Variants in GLI4 observed in about 807,000 individuals in gnomAD.
GLI4 encodes GLI family zinc finger 4.
A neutral mutation model predicts 30.9 loss-of-function variants in GLI4; 34 were observed. The ratio of observed to expected loss-of-function variants is 1.10; its 90% CI spans 0.84 to 1.47. The LOEUF is 1.47. Among genes scored for constraint, GLI4 ranks in the 40% most tolerant of loss-of-function variants. The pLI is 0.00. For synonymous variants in GLI4, 277 were observed against 236.7 expected (o/e 1.17, Z -1.56); for missense variants, 696 against 538.9 (o/e 1.29, Z -2.89).
rs1554615549 is a variant in GLI4 at position 143,276,663 on chromosome 8, A to AGCCTTCCGCGGCCGC, written c.991_1005dup (p.Ala331_Arg335dup). The AGCCTTCCGCGGCCGC allele has an allele frequency of 1.2e-6, 2 of 1,608,144 alleles. No individual in the cohort carries two copies. The highest frequency in any genetic ancestry group is 1.7e-6 in the Non-Finnish European group (2 of 1,178,344). On this transcript the variant is annotated inframe_insertion, in exon 4 of 4. Coordinates refer to ENST00000340042, the MANE Select transcript of GLI4 (RefSeq NM_138465.4). ...CCTACGAGTGCTCCGACTGCGGCAA[A>AGCCTTCCGCGGCCGC]GCCTTCCGCGGCCGCTCGCACTTCT...
At chr8:143,274,851 C>G (rs201002876) in intron 3 of GLI4, 49 bp downstream of exon 3, 39 of 1,519,314 alleles carry the variant, frequency 2.6e-5, no homozygotes, top group Middle Eastern at 1.7e-4. Flanking sequence ...CTGCGCGTGC[C>G]AGGCTCCTCA....
chr8:143,275,035 G>A, intron 3 of GLI4: 1 of 1,526,614 alleles, frequency 6.6e-7, no homozygotes, highest in African/African-American at 1.4e-5. Flanking sequence ...CTGCGCCAGT[G>A]GCCCCACGTG....
At position 143,276,812 on chromosome 8, in the gene GLI4, G is replaced by C; in HGVS notation, c.*8G>C. On this transcript the variant is annotated 3_prime_UTR_variant, in exon 4 of 4. Coordinates refer to ENST00000340042, the MANE Select transcript of GLI4 (RefSeq NM_138465.4). ...GTGCACTACCGCGAGTAGCCGGGCG[G>C]GGGCTCGGGGCTCGGCCTCCTACCT... The C allele has an allele frequency of 6.7e-7, 1 of 1,503,412 alleles. No homozygotes were observed. The allele number at this position is 1,503,412 out of a possible 1,614,324, so 93.1% of individuals were successfully genotyped here. A position where few individuals can be genotyped will look rare whatever the true frequency, so the allele number is the denominator to read the frequency against.
intron 2 of GLI4, among the ~76,000 whole-genome samples, chr8:143,274,055 T>C (rs1815330148): frequency 6.6e-6 from 1 of 152,062 alleles, no homozygotes; most frequent in African/African-American, 2.4e-5. Context: ...CCCCACCAAG[T>C]CTTGGGTGGG....
Position 143,276,308 on chromosome 8 carries a change from C to G in GLI4, c.635C>G (p.Ala212Gly). 2 of 1,606,232 alleles carry G rather than the reference C, an allele frequency of 1.2e-6. No homozygotes were observed. The highest frequency in any genetic ancestry group is 1.7e-6 in the Non-Finnish European group (2 of 1,177,606). Residue 212 changes from alanine to glycine, a missense_variant, in exon 4 of 4, where the codon GCC becomes GGC. Ala to Gly is a moderately conservative substitution (Grantham distance 60). Transcript: ENST00000340042. ...ATCCACACGGGCGAGAAGCCCTACG[C>G]CTGCCACGAGTGCGGCAAGCGCTTC... ...QRIHTGEKPY[A>G]CHECGKRFRG...
In GLI4 at chr8:143,276,141, G is replaced by A; in HGVS notation, c.468G>A (p.Glu156=). The change falls in exon 4 of 4, where the codon GAG becomes GAA. Residue 156 remains glutamate (E), a synonymous_variant. Coordinates refer to ENST00000340042, the MANE Select transcript of GLI4 (RefSeq NM_138465.4). The part of the protein sequence containing the change: ...TLVQQAAAGP[E]GAPERAAELG... ...TGCAGCAAGCAGCGGCCGGGCCCGA[G>A]GGTGCGCCCGAGCGGGCTGCCGAGC... 1 of 1,544,438 alleles carries A rather than the reference G, an allele frequency of 6.5e-7. No individual in the cohort carries two copies. Among genetic ancestry groups the A allele is most frequent in the Non-Finnish European group, 8.7e-7 (1 of 1,145,044 alleles).
chr8:143,273,977 A>G (rs367649784), intron 2 of GLI4, among the ~76,000 whole-genome samples: 209 of 152,334 alleles, frequency 1.4e-3, no homozygotes, highest in African/African-American at 4.8e-3. Context: ...GGCCTCGGGC[A>G]GTGGAGCCCA....
intron 2 of GLI4, among the ~76,000 whole-genome samples, chr8:143,271,846 T>TA (rs1815275166): frequency 2.6e-5 from 4 of 152,098 alleles, no homozygotes; most frequent in Admixed American, 2.6e-4. Flanking sequence ...GCAAAGGACT[T>TA]GGGGCCATGG....
intron 2 of GLI4, among the ~76,000 whole-genome samples, chr8:143,272,175 G>A (rs942672349): frequency 6.6e-6 from 1 of 152,296 alleles, no homozygotes; most frequent in Non-Finnish European, 1.5e-5. Context: ...GGGTTACTGA[G>A]TGCCCAGGCT....
At chr8:143,267,859 G>A in intron 1 of GLI4, 1 of 985,452 alleles carries the variant, frequency 1.0e-6, no homozygotes, top group Non-Finnish European at 1.2e-6. Context: ...CCGGGCGGAC[G>A]CGCTCTGTGC....
Position 143,276,709 on chromosome 8 carries a change from A to C in GLI4, c.1036A>C (p.Thr346Pro). Reference sequence around the variant, plus strand: ...CTTCTTCCGGCACCTGCGGACCCACACGGGCGAGAAGCCCTTCGCGTGTGG... The same window carrying C: ...CTTCTTCCGGCACCTGCGGACCCACCCGGGCGAGAAGCCCTTCGCGTGTGG... ...SHFFRHLRTH[T>P]GEKPFACGAC... Residue 346 changes from threonine to proline, a missense_variant, in exon 4 of 4, where the codon ACG becomes CCG. Coordinates refer to ENST00000340042, the MANE Select transcript of GLI4 (RefSeq NM_138465.4). The C allele has an allele frequency of 6.2e-7, 1 of 1,611,122 alleles. No homozygotes were observed. The highest frequency in any genetic ancestry group is 8.5e-7 in the Non-Finnish European group (1 of 1,179,210).
At chr8:143,275,201 T>A in intron 3 of GLI4, 1 of 1,535,602 alleles carries the variant, frequency 6.5e-7, no homozygotes. Context: ...CTAGATGGCC[T>A]CCCCTCAGCC....
At chr8:143,270,526 G>A (rs750233038) in intron 2 of GLI4, among the ~76,000 whole-genome samples, 2 of 152,212 alleles carry the variant, frequency 1.3e-5, no homozygotes, top group South Asian at 2.1e-4. Context: ...CTGTCCTGGT[G>A]GACCTGGCCA....
chr8:143,276,054 G>T lies in GLI4; in HGVS notation c.381G>T (p.Ala127=). Residue 127 remains alanine (A), a synonymous_variant, in exon 4 of 4, where the codon GCG becomes GCT. Transcript: ENST00000340042. The part of the protein sequence containing the change: ...FGPESSAERP[A]GQPPGAVPCA... Reference sequence around the variant, plus strand: ...CTGAATCCAGCGCGGAGCGGCCGGCGGGCCAGCCGCCTGGGGCCGTCCCTT... The same window carrying T: ...CTGAATCCAGCGCGGAGCGGCCGGCTGGCCAGCCGCCTGGGGCCGTCCCTT... 1.5e-6 allele frequency: 2 copies of T among 1,359,496 alleles called. No individual in the cohort carries two copies. Among genetic ancestry groups the T allele is most frequent in the Non-Finnish European group, 9.4e-7 (1 of 1,062,224 alleles). 84.2% of individuals were successfully genotyped at this position (1,359,496 alleles called of 1,614,324 possible).
chr8:143,269,024 A>G (rs910631487), intron 1 of GLI4, among the ~76,000 whole-genome samples: 2 of 152,138 alleles, frequency 1.3e-5, no homozygotes, highest in Admixed American at 1.3e-4. Context: ...TTATATTTTT[A>G]GTAGAGATGG....
At chr8:143,270,938 A>C (rs1241353557) in intron 2 of GLI4, among the ~76,000 whole-genome samples, 1 of 152,124 alleles carries the variant, frequency 6.6e-6, no homozygotes, top group East Asian at 1.9e-4. Flanking sequence ...GCTGGGGAGC[A>C]TGGAGGGGCC....
Position 143,269,890 on chromosome 8 carries a change from A to G in GLI4, c.124+370A>G, listed in dbSNP as rs150047536. 1.2e-4 allele frequency among the ~76,000 whole-genome samples: 19 copies of G among 152,378 alleles called. No individual in the cohort carries two copies. In the East Asian group the frequency reaches 2.7e-3, roughly 22 times the overall value. On this transcript the variant is annotated intron_variant, in intron 2 of 3. Transcript: ENST00000340042. ...TTGTCATTCAGGAAGTGGAGCAGCC[A>G]GAGTCCTTGCCAAGCTGGTTTGGGT...
chr8:143,273,087 A>T (rs1421526999), intron 2 of GLI4: 1 of 152,256 alleles, frequency 6.6e-6, no homozygotes, highest in Non-Finnish European at 1.5e-5. Context: ...TTTCTTTCTC[A>T]AAGGGCTGCC....
At chr8:143,274,660 T>C in intron 2 of GLI4, 44 bp from the exon 3 acceptor site, 2 of 1,511,418 alleles carry the variant, frequency 1.3e-6, no homozygotes, top group Non-Finnish European at 1.8e-6. Context: ...GCGGAGGCAG[T>C]GGTCCAGAGG....
Sources: allele counts gnomAD v4.1 joint callset (sites outside exome capture counted in the v4.1 genomes callset), GRCh38; gene constraint gnomAD v4.1.1; transcripts MANE v1.5; gene names NCBI Gene and HGNC (gene_info 2026-07-23, HGNC 2026-07-21).